The following NPTX1 variants were observed in gnomAD, a reference collection of about 807,000 sequenced individuals.
NPTX1 encodes the protein neuronal pentraxin-1.
In NPTX1, 12 loss-of-function variants were observed where a neutral mutation model predicts 38.7. The ratio of observed to expected loss-of-function variants is 0.31; its 90% confidence interval spans 0.20 to 0.50. The LOEUF is 0.50. NPTX1 is among the 20% of genes least tolerant of loss of function. The pLI is 0.98. For synonymous variants in NPTX1, 272 were observed against 264.9 expected, an observed-to-expected ratio of 1.03 and a Z score of -0.26; for missense variants, 454 against 592.2, an observed-to-expected ratio of 0.77 and a Z score of 2.42.
chr17:80,473,157 G>C, intron 3 of NPTX1, 43 bp downstream of exon 3: 1 of 1,595,632 alleles, frequency 6.3e-7, no homozygotes, highest in Non-Finnish European at 8.5e-7. Context: ...CTGGGGCCCT[G>C]GGGCCTCGCC....
intron 3 of NPTX1, among the ~76,000 whole-genome samples, 186 bp downstream of exon 3, chr17:80,473,014 C>G (rs943536742): frequency 1.3e-5 from 2 of 152,238 alleles, no homozygotes; most frequent in African/African-American, 4.8e-5. Flanking sequence ...TCTCCCAGTA[C>G]AGGTGAGGGG....
Position 80,473,425 on chromosome 17 carries a change from A to G in NPTX1, c.672T>C (p.Pro224=), listed in dbSNP as rs748623194. Residue 224 remains proline (P), a synonymous_variant, in exon 3 of 5, where the codon CCT becomes CCC. Transcript: ENST00000306773. The stretch of plus-strand genomic sequence containing the variant: ...GGAATGTGAGCTGGAACTTGTCTCC[A>G]GGGCGGTTGTCTTTCTGACCTGCGG... ...ELEKGQKDNR[P]GDKFQLTFPL... is the part of the protein sequence containing the mutation. The G allele has an allele frequency of 2.5e-6, 4 of 1,613,990 alleles. No homozygotes were observed. The highest frequency in any genetic ancestry group is 1.1e-5 in the South Asian group (1 of 91,072).
chr17:80,475,771 C>A lies in NPTX1; in HGVS notation c.445-53G>T. The A allele has an allele frequency of 7.0e-7, 1 of 1,420,120 alleles. No individual in the cohort carries two copies. 88.0% of individuals were successfully genotyped at this position (1,420,120 alleles called of 1,614,324 possible). ...ACACCGTTAGGCGAGGCGCGGGGAC[C>A]GTGCTGGAAGGCCCGCGGCGCGGTC... is the stretch of plus-strand genomic sequence containing the variant. On this transcript the variant is annotated intron_variant, in intron 1 of 4. Coordinates refer to ENST00000306773, the MANE Select transcript of NPTX1 (RefSeq NM_002522.4). The surrounding 1 kb of genome is among the most constrained non-coding windows in gnomAD (Gnocchi z 6.5).
At position 80,468,008 on chromosome 17, in the gene NPTX1, C is replaced by T. The variant is rs543817787; in HGVS notation, c.*2805G>A. The T allele has an allele frequency of 6.6e-6, 1 of 152,654 alleles. No individual in the cohort carries two copies. The highest frequency in any genetic ancestry group is 1.5e-5 in the Non-Finnish European group (1 of 68,056). 9.5% of individuals were successfully genotyped at this position (152,654 alleles called of 1,614,324 possible). On this transcript the variant is annotated 3_prime_UTR_variant, in exon 5 of 5. Coordinates refer to ENST00000306773, the MANE Select transcript of NPTX1 (RefSeq NM_002522.4). ...CCAGCTCGGCAAAAGCAAACACTGC[C>T]TCAACAGTGCTTTTTATCTTCTTGT...
In NPTX1 at chr17:80,471,782, G is replaced by A; in HGVS notation, c.1027C>T (p.Pro343Ser). The A allele has an allele frequency of 6.2e-7, 1 of 1,613,278 alleles. No homozygotes were observed. Among genetic ancestry groups the A allele is most frequent in the Non-Finnish European group, 8.5e-7 (1 of 1,180,022 alleles). Reference protein sequence around the residue: ...TQGGSGENLAPYHPIKPQGVL... With the variant: ...TQGGSGENLASYHPIKPQGVL... The stretch of plus-strand genomic sequence containing the variant: ...CCCTGGGGCTTGATGGGGTGATAGG[G>A]CGCCAAGTTCTCGCCACTGCCACCC... The change falls in exon 4 of 5, where the codon CCC (proline) becomes TCC (serine). Residue 343 changes from proline to serine, a missense_variant. Around this residue, in one of 4 missense-constraint regions of NPTX1, gnomAD observed 110 missense variants for 197.5 expected, o/e 0.56. Coordinates refer to ENST00000306773, the MANE Select transcript of NPTX1 (RefSeq NM_002522.4).
rs1344675184 is a variant in NPTX1 at position 80,475,524 on chromosome 17, G to C, written c.639C>G (p.Ser213Arg). The part of the protein sequence containing the change: ...TALTSLHQRI[S>R]ELEKGQKDNR... Reference sequence around the variant, plus strand: ...TGGCCCCAGTACCTTTCTCGAGCTCGCTGATCCGCTGGTGCAGGGAGGTCA... The same window carrying C: ...TGGCCCCAGTACCTTTCTCGAGCTCCCTGATCCGCTGGTGCAGGGAGGTCA... Residue 213 changes from serine (S) to arginine (R), a missense_variant, in exon 2 of 5, where the codon AGC (serine) becomes AGG (arginine). Physicochemically the swap from Ser to Arg is moderately radical, Grantham distance 110. Coordinates refer to ENST00000306773, the MANE Select transcript of NPTX1 (RefSeq NM_002522.4). This position sits in a 1 kb window ranked among gnomAD's most constrained non-coding sequence, Gnocchi z 6.5. The C allele has an allele frequency of 3.7e-6, 6 of 1,611,888 alleles. No individual in the cohort carries two copies. Among genetic ancestry groups the C allele is most frequent in the Non-Finnish European group, 4.2e-6 (5 of 1,179,654 alleles).
In NPTX1 at chr17:80,471,920, G is replaced by T; in HGVS notation, c.898-9C>A. 6.2e-7 allele frequency: 1 copy of T among 1,606,866 alleles called. No homozygotes were observed. ...AAAGGCAACTTGGCCACCTGGGAAGGAGAATGACAGACGCCAGCTGGTGAG... is the reference window on the plus strand; with the variant it reads ...AAAGGCAACTTGGCCACCTGGGAAGTAGAATGACAGACGCCAGCTGGTGAG... On this transcript the variant is annotated splice_polypyrimidine_tract_variant and intron_variant, in intron 3 of 4. Transcript: ENST00000306773.
chr17:80,473,812 G>C (rs981741119), intron 2 of NPTX1: 1 of 283,606 alleles, frequency 3.5e-6, no homozygotes, highest in Non-Finnish European at 6.8e-6. Context: ...CCAAGGAGCA[G>C]GGGTGGCTGC....
Position 80,475,953 on chromosome 17 carries a change from G to T in NPTX1, c.444+50C>A. 1 of 1,473,244 alleles carries T rather than the reference G, an allele frequency of 6.8e-7. No individual in the cohort carries two copies. The highest frequency in any genetic ancestry group is 9.4e-7 in the Non-Finnish European group (1 of 1,063,346). 91.3% of individuals were successfully genotyped at this position (1,473,244 alleles called of 1,614,324 possible). A position where few individuals can be genotyped will look rare whatever the true frequency, so the allele number is the denominator to read the frequency against. ...GTAGGGAACGGGGTGGGGGAGGGCA[G>T]AGGGGCGAGCGAGCCGGAGGGGGAA... is the stretch of plus-strand genomic sequence containing the variant. On this transcript the variant is annotated intron_variant, in intron 1 of 4. Transcript: ENST00000306773. The surrounding 1 kb of genome is among the most constrained non-coding windows in gnomAD (Gnocchi z 6.5).
In NPTX1 at chr17:80,468,092, A is replaced by G. The variant is rs909188037; in HGVS notation, c.*2721T>C. The G allele has an allele frequency of 3.9e-5, 6 of 152,788 alleles. 1 individual carries two copies. The highest frequency in any genetic ancestry group is 6.5e-5 in the Admixed American group (1 of 15,304). 9.5% of individuals were successfully genotyped at this position (152,788 alleles called of 1,614,324 possible). On this transcript the variant is annotated 3_prime_UTR_variant, in exon 5 of 5. Coordinates refer to ENST00000306773, the MANE Select transcript of NPTX1 (RefSeq NM_002522.4). ...TTATTCAGTGCAAGAGGGAACATCA[A>G]TCAGATTAAGGAGTAAATGGGAACT...
Position 80,475,706 on chromosome 17 carries a change from G to A in NPTX1, c.457C>T (p.Leu153Phe), listed in dbSNP as rs774256390. ...CTGTTGGTCTGGCTGGAGGAATTGA[G>A]GCGGCTGTACTGCTGCGGGGTGCAA... is the stretch of plus-strand genomic sequence containing the variant. Reference protein sequence around the residue: ...RLENLEQYSRLNSSSQTNSLK... With the variant: ...RLENLEQYSRFNSSSQTNSLK... The change falls in exon 2 of 5, where the codon CTC (leucine) becomes TTC (phenylalanine). Residue 153 changes from leucine (L) to phenylalanine (F), a missense_variant. Physicochemically the swap from Leu to Phe is conservative, Grantham distance 22. This residue lies in a region of NPTX1 where 288 missense variants were observed against 318.4 expected (regional missense o/e 0.90). Coordinates refer to ENST00000306773, the MANE Select transcript of NPTX1 (RefSeq NM_002522.4). This position sits in a 1 kb window ranked among gnomAD's most constrained non-coding sequence, Gnocchi z 6.5. 3 of 1,611,302 alleles carry A rather than the reference G, an allele frequency of 1.9e-6. No homozygotes were observed. The highest frequency in any genetic ancestry group is 3.3e-5 in the Admixed American group (2 of 60,022).
chr17:80,473,160 G>T (rs772686670), intron 3 of NPTX1, 40 bp downstream of exon 3: 1 of 1,598,564 alleles, frequency 6.3e-7, no homozygotes, highest in Admixed American at 1.7e-5. Flanking sequence ...GGGCCCTGGG[G>T]CCTCGCCCTG....
chr17:80,475,699 G>T lies in NPTX1; in HGVS notation c.464C>A (p.Ser155Tyr). The change falls in exon 2 of 5, where the codon TCC (serine) becomes TAC (tyrosine). Residue 155 changes from serine (S) to tyrosine (Y), a missense_variant. By Grantham distance (144) the Ser-to-Tyr change is moderately radical (BLOSUM62 -2). Around this residue, in one of 4 missense-constraint regions of NPTX1, gnomAD observed 288 missense variants for 318.4 expected, o/e 0.90. Coordinates refer to ENST00000306773, the MANE Select transcript of NPTX1 (RefSeq NM_002522.4). The surrounding 1 kb of genome is among the most constrained non-coding windows in gnomAD (Gnocchi z 6.5). Reference sequence around the variant, plus strand: ...CTTGAGGCTGTTGGTCTGGCTGGAGGAATTGAGGCGGCTGTACTGCTGCGG... The same window carrying T: ...CTTGAGGCTGTTGGTCTGGCTGGAGTAATTGAGGCGGCTGTACTGCTGCGG... The part of the protein sequence containing the change: ...ENLEQYSRLN[S>Y]SSQTNSLKDL... 5 of 1,611,824 alleles carry T rather than the reference G, an allele frequency of 3.1e-6. No individual in the cohort carries two copies. The highest frequency in any genetic ancestry group is 3.4e-6 in the Non-Finnish European group (4 of 1,179,436).
Position 80,471,755 on chromosome 17 carries a change from C to A in NPTX1, c.1054G>T (p.Val352Leu), listed in dbSNP as rs377120879. ...APYHPIKPQG[V>L]LVLGQEQDTL... ...ACCTGCTCCTGGCCCAGCACCAGCACGCCCTGGGGCTTGATGGGGTGATAG... is the reference window on the plus strand; with the variant it reads ...ACCTGCTCCTGGCCCAGCACCAGCAAGCCCTGGGGCTTGATGGGGTGATAG... Residue 352 changes from valine (V) to leucine (L), a missense_variant, in exon 4 of 5, where the codon GTG (valine) becomes TTG (leucine). By Grantham distance (32) the Val-to-Leu change is conservative. Coordinates refer to ENST00000306773, the MANE Select transcript of NPTX1 (RefSeq NM_002522.4). The A allele has an allele frequency of 1.2e-6, 2 of 1,612,874 alleles. No individual in the cohort carries two copies. Among genetic ancestry groups the A allele is most frequent in the Non-Finnish European group, 1.7e-6 (2 of 1,179,884 alleles).
Position 80,475,343 on chromosome 17 carries a change from C to T in NPTX1, c.652+168G>A, listed in dbSNP as rs1599508006. Reference sequence around the variant, plus strand: ...CTGATAGAAACACCGACTAGAAGCCCAGAACCTGGGAAGGGGTGCGGGGAA... The same window carrying T: ...CTGATAGAAACACCGACTAGAAGCCTAGAACCTGGGAAGGGGTGCGGGGAA... On this transcript the variant is annotated intron_variant, in intron 2 of 4. Coordinates refer to ENST00000306773, the MANE Select transcript of NPTX1 (RefSeq NM_002522.4). This position sits in a 1 kb window ranked among gnomAD's most constrained non-coding sequence, Gnocchi z 6.5. Among the ~76,000 whole-genome samples, 1 of 152,196 alleles carries T rather than the reference C, an allele frequency of 6.6e-6. No homozygotes were observed. The highest frequency in any genetic ancestry group is 2.4e-5 in the African/African-American group (1 of 41,440).
chr17:80,473,710 T>G (rs1472499376), intron 2 of NPTX1: 2 of 492,388 alleles, frequency 4.1e-6, no homozygotes, highest in Non-Finnish European at 7.4e-6. Flanking sequence ...GAGATGGGGG[T>G]GGGGGGCAGT....
intron 4 of NPTX1, among the ~76,000 whole-genome samples, 179 bp from the exon 5 acceptor site, chr17:80,471,213 G>C (rs2083840235): frequency 6.6e-6 from 1 of 152,086 alleles, no homozygotes; most frequent in African/African-American, 2.4e-5. Context: ...TCCCTCCTCT[G>C]GGGGAGCCCA....
Position 80,468,743 on chromosome 17 carries a change from T to C in NPTX1, c.*2070A>G, listed in dbSNP as rs1430298816. The C allele has an allele frequency of 6.6e-6, 1 of 152,286 alleles. No individual in the cohort carries two copies. Among genetic ancestry groups the C allele is most frequent in the East Asian group, 1.9e-4 (1 of 5,192 alleles). The allele number at this position is 152,286 out of a possible 1,614,324, so 9.4% of individuals were successfully genotyped here. On this transcript the variant is annotated 3_prime_UTR_variant, in exon 5 of 5. Coordinates refer to ENST00000306773, the MANE Select transcript of NPTX1 (RefSeq NM_002522.4). ...TGCTTACCCAGCCATTTTCAGTAGC[T>C]ACACGGGTGGTCACAGAACACTGGG...
At position 80,475,783 on chromosome 17, in the gene NPTX1, C is replaced by T; in HGVS notation, c.445-65G>A. The T allele has an allele frequency of 7.5e-7, 1 of 1,330,294 alleles. No individual in the cohort carries two copies. The allele number at this position is 1,330,294 out of a possible 1,614,324, so 82.4% of individuals were successfully genotyped here. On this transcript the variant is annotated intron_variant, in intron 1 of 4. Transcript: ENST00000306773. This position sits in a 1 kb window ranked among gnomAD's most constrained non-coding sequence, Gnocchi z 6.5. ...GAGGCGCGGGGACCGTGCTGGAAGG[C>T]CCGCGGCGCGGTCCCCTCTGGGCGA... is the stretch of plus-strand genomic sequence containing the variant.
Sources: allele counts gnomAD v4.1 joint callset (sites outside exome capture counted in the v4.1 genomes callset), GRCh38; gene constraint gnomAD v4.1.1; regional missense constraint gnomAD v4.1.1; non-coding constraint Gnocchi (gnomAD v3.1); transcripts MANE v1.5; gene names NCBI Gene and HGNC (gene_info 2026-07-23, HGNC 2026-07-21).